Variants in TNRC6C observed in about 807,000 individuals in gnomAD.
The protein encoded by TNRC6C is trinucleotide repeat-containing gene 6C protein.
TNRC6C carries 20 observed loss-of-function variants against 153.7 expected under a neutral mutation model. The observed-to-expected ratio is 0.13, with a 90% CI of 0.09 to 0.19. The LOEUF (loss-of-function observed/expected upper bound fraction) is 0.19. Among genes scored for constraint, TNRC6C ranks in the 10% least tolerant of loss-of-function variants. The pLI is 1.00. For missense variants in TNRC6C, 1,987 were observed against 2,172.0 expected (o/e 0.91, Z 1.69); for synonymous variants, 811 against 841.4 (o/e 0.96, Z 0.63).
chr17:77,977,298 TCTG>T (rs2071015107), intron 1 of TNRC6C, among the ~76,000 whole-genome samples: 1 of 152,218 alleles, frequency 6.6e-6, no homozygotes, highest in South Asian at 2.1e-4. Context: ...TGTATTGACT[TCTG>T]CTGGTATAAA....
At chr17:78,072,268 G>A (rs1376334638) in intron 6 of TNRC6C, among the ~76,000 whole-genome samples, 3 of 152,182 alleles carry the variant, frequency 2.0e-5, no homozygotes, top group Admixed American at 6.5e-5. Context: ...GCACCCTAGC[G>A]GCTTCAGTCA....
chr17:78,092,862 T>C, intron 14 of TNRC6C, 71 bp from the exon 17 acceptor site: 1 of 1,414,748 alleles, frequency 7.1e-7, no homozygotes, highest in Non-Finnish European at 9.7e-7. Flanking sequence ...ATAGGGAGGC[T>C]TAGGGTATCT....
intron 1 of TNRC6C, among the ~76,000 whole-genome samples, chr17:78,017,621 T>C (rs1248063606): frequency 6.6e-6 from 1 of 152,218 alleles, no homozygotes; most frequent in Non-Finnish European, 1.5e-5. Context: ...CTTCTCCTAG[T>C]GTGGCAGCCA....
chr17:78,001,241 T>C (rs923692332), upstream of TNRC6C, among the ~76,000 whole-genome samples: 1 of 152,212 alleles, frequency 6.6e-6, no homozygotes, highest in Non-Finnish European at 1.5e-5. Context: ...GGATCCACTA[T>C]AGTATACCTC....
At chr17:78,087,544 T>C (rs2073318904) in intron 13 of TNRC6C, among the ~76,000 whole-genome samples, 2 of 152,192 alleles carry the variant, frequency 1.3e-5, no homozygotes, top group Admixed American at 1.3e-4. Flanking sequence ...AAAATCTCAT[T>C]TCCATTGTCA....
At chr17:77,986,200 G>C (rs965735977) in intron 1 of TNRC6C, among the ~76,000 whole-genome samples, 1 of 152,158 alleles carries the variant, frequency 6.6e-6, no homozygotes, top group Non-Finnish European at 1.5e-5. Context: ...CGGATCACCC[G>C]AGGTCGGGAG....
At chr17:78,059,277 A>G (rs554724632) in intron 3 of TNRC6C, among the ~76,000 whole-genome samples, 1 of 152,354 alleles carries the variant, frequency 6.6e-6, no homozygotes, top group South Asian at 2.1e-4. Flanking sequence ...AGTAGTTACT[A>G]AAAGAGAAAT....
chr17:78,101,844 C>G (rs1014375761), intron 17 of TNRC6C, among the ~76,000 whole-genome samples: 8 of 152,160 alleles, frequency 5.3e-5, no homozygotes, highest in African/African-American at 1.9e-4. Flanking sequence ...TGCCCTCATT[C>G]CGGTACACCC....
intron 18 of TNRC6C, 98 bp downstream of exon 21, chr17:78,102,642 G>T: frequency 7.9e-7 from 1 of 1,270,474 alleles, no homozygotes; most frequent in Non-Finnish European, 1.1e-6. Context: ...CAGGATAGTT[G>T]GGGGTTCTTG....
At chr17:77,990,879 G>A (rs1000847169) in intron 1 of TNRC6C, among the ~76,000 whole-genome samples, 3 of 152,056 alleles carry the variant, frequency 2.0e-5, no homozygotes, top group Non-Finnish European at 4.4e-5. Flanking sequence ...TCAGGGGCAC[G>A]CTGTATTTCA....
At chr17:78,097,982 G>T in intron 16 of TNRC6C, 121 bp downstream of exon 19, 4 of 887,530 alleles carry the variant, frequency 4.5e-6, no homozygotes, top group Non-Finnish European at 6.7e-6. Flanking sequence ...GAGGCCGTGT[G>T]GCGTGATGAA....
chr17:77,958,413 G>GCTCGCACCC (rs2070828112), upstream of TNRC6C, among the ~76,000 whole-genome samples: 1 of 151,966 alleles, frequency 6.6e-6, no homozygotes, highest in Non-Finnish European at 1.5e-5. Context: ...AGCGCGCACC[G>GCTCGCACCC]CTCGCACCCC....
In TNRC6C at chr17:78,069,521, C is replaced by CT. The variant is rs151279860; in HGVS notation, c.2779-1563dup. 1.8e-3 allele frequency among the ~76,000 whole-genome samples: 267 copies of CT among 152,268 alleles called. 2 individuals carry two copies. The highest frequency in any genetic ancestry group is 6.1e-3 in the African/African-American group (254 of 41,558). ...GCCTCAGCCTCCTGAGTAGCTGGGT[C>CT]TACAGGTGCATGCCACTCTGCCCAA... On this transcript the variant is annotated intron_variant, in intron 5 of 19. Coordinates refer to ENST00000301624, the Ensembl canonical transcript of TNRC6C.
At chr17:78,057,825 T>G (rs527802080) in intron 3 of TNRC6C, among the ~76,000 whole-genome samples, 35 of 151,578 alleles carry the variant, frequency 2.3e-4, no homozygotes, top group South Asian at 6.3e-4. Flanking sequence ...AATTACATTT[T>G]TGTGTGTGTG....
At chr17:78,069,903 A>C (rs774613635) in intron 5 of TNRC6C, among the ~76,000 whole-genome samples, 3 of 152,222 alleles carry the variant, frequency 2.0e-5, no homozygotes, top group Non-Finnish European at 4.4e-5. Flanking sequence ...AGAATGTTCT[A>C]AATTCTCTGG....
At chr17:77,966,216 G>C (rs1197666565) in intron 1 of TNRC6C, among the ~76,000 whole-genome samples, 1 of 152,190 alleles carries the variant, frequency 6.6e-6, no homozygotes, top group Non-Finnish European at 1.5e-5. Flanking sequence ...TGGAGGTTCT[G>C]TGTTGGCAAT....
intron 1 of TNRC6C, among the ~76,000 whole-genome samples, chr17:77,979,186 G>T (rs1050019201): frequency 1.6e-4 from 24 of 152,110 alleles, no homozygotes; most frequent in African/African-American, 5.3e-4. Flanking sequence ...GGAAATTCTG[G>T]AATTGAAAAG....
intron 1 of TNRC6C, among the ~76,000 whole-genome samples, chr17:78,006,567 TC>T (rs1181771158): frequency 6.9e-6 from 1 of 145,916 alleles, no homozygotes; most frequent in Non-Finnish European, 1.5e-5. Context: ...TCTTCCTTCT[TC>T]CTTCTTCCTT....
At chr17:78,070,482 C>T (rs1039233315) in intron 5 of TNRC6C, among the ~76,000 whole-genome samples, 6 of 152,204 alleles carry the variant, frequency 3.9e-5, no homozygotes, top group Non-Finnish European at 2.9e-5. Context: ...CCTGGCTCTT[C>T]TGTGGTGCCG....
Sources: allele counts gnomAD v4.1 joint callset (sites outside exome capture counted in the v4.1 genomes callset), GRCh38; gene constraint gnomAD v4.1.1; transcripts MANE v1.5; gene names NCBI Gene and HGNC (gene_info 2026-07-23, HGNC 2026-07-21).